TANC2: variants seen among roughly 807,000 people sequenced by gnomAD.
TANC2 encodes the protein tetratricopeptide repeat, ankyrin repeat and coiled-coil containing 2.
A neutral mutation model predicts 210.5 loss-of-function variants in TANC2; 26 were observed. That is an observed-to-expected ratio of 0.12 (90% CI 0.09 to 0.17). The LOEUF (loss-of-function observed/expected upper bound fraction) is 0.17. TANC2 is among the 10% of genes least tolerant of loss of function. TANC2 has a pLI of 1.00. For synonymous variants in TANC2, 931 were observed against 967.1 expected (o/e 0.96, Z 0.69); for missense variants, 2,129 against 2,608.9 (o/e 0.82, Z 4.01).
intron 5 of TANC2, among the ~76,000 whole-genome samples, chr17:63,158,713 T>C (rs2039923634): frequency 6.6e-6 from 1 of 152,226 alleles, no homozygotes; most frequent in South Asian, 2.1e-4. Flanking sequence ...TATTGTTGCA[T>C]AACAAATTAC....
At position 63,420,926 on chromosome 17, in the gene TANC2, A is replaced by G. The variant is rs781369437; in HGVS notation, c.5196A>G (p.Gln1732=). The G allele has an allele frequency of 1.9e-6, 3 of 1,613,930 alleles. No individual in the cohort carries two copies. The highest frequency in any genetic ancestry group is 1.1e-5 in the South Asian group (1 of 91,090). Residue 1732 remains glutamine, a synonymous_variant, in exon 28 of 28, where the codon CAA becomes CAG. Transcript: ENST00000689528. This position sits in a 1 kb window ranked among gnomAD's most constrained non-coding sequence, Gnocchi z 4.2. ...TGGCCAGTAAATACCAGTCTTCACA[A>G]GGAGACATAGGAGTCAGCCAGAGCC...
At chr17:63,286,970 T>C (rs961874899) in intron 9 of TANC2, among the ~76,000 whole-genome samples, 2 of 152,104 alleles carry the variant, frequency 1.3e-5, no homozygotes, top group African/African-American at 4.8e-5. Context: ...CTCTTTGTTA[T>C]ACACCCAGCC....
At chr17:63,199,399 G>A (rs1274256359) in intron 6 of TANC2, among the ~76,000 whole-genome samples, 2 of 152,098 alleles carry the variant, frequency 1.3e-5, no homozygotes, top group African/African-American at 4.8e-5. Flanking sequence ...GAGGTGGGAA[G>A]TACACATTCA....
intron 4 of TANC2, among the ~76,000 whole-genome samples, chr17:63,137,475 T>G (rs922319091): frequency 1.3e-5 from 2 of 152,246 alleles, no homozygotes; most frequent in African/African-American, 2.4e-5. Flanking sequence ...TTGTTGGATA[T>G]CTTTTATAGA....
chr17:63,293,393 C>G (rs889924636), intron 9 of TANC2, among the ~76,000 whole-genome samples: 1 of 152,286 alleles, frequency 6.6e-6, no homozygotes, highest in African/African-American at 2.4e-5. Flanking sequence ...CCCAAATTAT[C>G]TTTTGCTCAA....
intron 10 of TANC2, among the ~76,000 whole-genome samples, chr17:63,315,299 A>G (rs2429425): frequency 0.29 from 43,699 of 151,904 alleles, 6,381 homozygotes; most frequent in African/African-American, 0.32. Context: ...TACAAATATT[A>G]ATTCATCACA....
chr17:63,039,898 G>A (rs2035117817), intron 2 of TANC2, among the ~76,000 whole-genome samples: 1 of 151,892 alleles, frequency 6.6e-6, no homozygotes, highest in South Asian at 2.1e-4. Context: ...TACTAAACAT[G>A]TGTAATGTGT....
chr17:63,192,643 T>G lies in TANC2; in HGVS notation c.434-1348T>G, dbSNP rs79352040. ...ATCCTGGCTCTGCCATTTACTGGTT[T>G]TATTACTTTGAGCAAATAATTTAAT... is the stretch of plus-strand genomic sequence containing the variant. On this transcript the variant is annotated intron_variant, in intron 5 of 27. Transcript: ENST00000689528. Among the ~76,000 whole-genome samples, 1,307 of 152,330 alleles carry G rather than the reference T, an allele frequency of 8.6e-3. 16 individuals carry two copies. Among genetic ancestry groups the G allele is most frequent in the African/African-American group, 0.029 (1,198 of 41,574 alleles).
intron 3 of TANC2, among the ~76,000 whole-genome samples, chr17:63,090,495 A>T: frequency 6.6e-6 from 1 of 152,072 alleles, no homozygotes; most frequent in South Asian, 2.1e-4. Flanking sequence ...GCTCAGAATG[A>T]TGGTTTCCGG....
intron 2 of TANC2, among the ~76,000 whole-genome samples, chr17:63,053,020 G>T (rs1423289318): frequency 6.6e-6 from 1 of 152,144 alleles, no homozygotes; most frequent in African/African-American, 2.4e-5. Context: ...CTGACCTCTG[G>T]TTTTTATGAT....
At chr17:63,137,829 G>A (rs1266867839) in intron 4 of TANC2, among the ~76,000 whole-genome samples, 1 of 152,168 alleles carries the variant, frequency 6.6e-6, no homozygotes, top group Admixed American at 6.6e-5. Context: ...TCCTGATGAT[G>A]TATATTCAGC....
chr17:63,391,927 A>T (rs192739294), intron 17 of TANC2, among the ~76,000 whole-genome samples: 1 of 151,986 alleles, frequency 6.6e-6, no homozygotes, highest in Non-Finnish European at 1.5e-5. Context: ...GGGTTTCACC[A>T]TGTTGGCCAG....
chr17:63,207,401 G>A (rs146006928), intron 7 of TANC2, among the ~76,000 whole-genome samples: 1 of 151,654 alleles, frequency 6.6e-6, no homozygotes, highest in Non-Finnish European at 1.5e-5. Flanking sequence ...ATTTTTAGTA[G>A]AGATGGGGTT....
At chr17:63,164,072 GA>G (rs1479454608) in intron 5 of TANC2, among the ~76,000 whole-genome samples, 1 of 148,530 alleles carries the variant, frequency 6.7e-6, no homozygotes, top group Non-Finnish European at 1.5e-5. Context: ...TGTTGATCAA[GA>G]AAAACAAATC....
chr17:63,008,082 C>A (rs2033705199), intron 1 of TANC2, among the ~76,000 whole-genome samples: 1 of 148,046 alleles, frequency 6.8e-6, no homozygotes. Flanking sequence ...ATTCTTGCTA[C>A]TTTAAATGTG....
At chr17:63,019,314 T>C (rs1259156109) in intron 2 of TANC2, among the ~76,000 whole-genome samples, 1 of 151,446 alleles carries the variant, frequency 6.6e-6, no homozygotes, top group African/African-American at 2.4e-5. Context: ...GCCTCCTGGG[T>C]TCAAACAATT....
At chr17:63,255,907 T>C (rs1003928220) in intron 8 of TANC2, among the ~76,000 whole-genome samples, 6 of 135,050 alleles carry the variant, frequency 4.4e-5, no homozygotes, top group African/African-American at 8.3e-5. Flanking sequence ...ACTTTTCTTT[T>C]TTTTTTTTTT....
At chr17:63,147,416 G>A (rs957841966) in intron 4 of TANC2, among the ~76,000 whole-genome samples, 1 of 152,092 alleles carries the variant, frequency 6.6e-6, no homozygotes, top group African/African-American at 2.4e-5. Flanking sequence ...TCACAGATGA[G>A]GCCTTGATTT....
intron 7 of TANC2, among the ~76,000 whole-genome samples, chr17:63,221,042 G>A (rs539483019): frequency 2.1e-4 from 32 of 151,914 alleles, no homozygotes; most frequent in African/African-American, 7.5e-4. Flanking sequence ...CCTTGTGTTA[G>A]GCAAAAATTT....
Sources: gnomAD v4.1 joint callset for allele counts (sites outside exome capture counted in the v4.1 genomes callset) on GRCh38, gnomAD v4.1.1 for gene constraint, Gnocchi (gnomAD v3.1) non-coding constraint, MANE v1.5 for transcripts, NCBI Gene and HGNC (gene_info 2026-07-23, HGNC 2026-07-21) for gene names.